The following PCSK5 variants were observed in gnomAD, a reference collection of about 807,000 sequenced individuals.
PCSK5 encodes the protein proprotein convertase subtilisin/kexin type 5.
Under a neutral mutation model 233.2 loss-of-function variants are expected in PCSK5, and 129 were observed. The ratio of observed to expected loss-of-function variants is 0.55; its 90% CI spans 0.48 to 0.64. The LOEUF (loss-of-function observed/expected upper bound fraction) is 0.64, where lower values mean the gene tolerates loss of function less well. Among genes scored for constraint, PCSK5 ranks in the 30% least tolerant of loss-of-function variants. The pLI, the probability that PCSK5 is intolerant of heterozygous loss-of-function variation, is 0.00. For synonymous variants in PCSK5, 825 were observed against 879.2 expected (o/e 0.94, Z 1.09); for missense variants, 2,076 against 2,430.1 (o/e 0.85, Z 3.06).
chr9:75,930,080 C>G (rs957456734), intron 1 of PCSK5, among the ~76,000 whole-genome samples: 3 of 152,108 alleles, frequency 2.0e-5, no homozygotes, highest in Non-Finnish European at 4.4e-5. Context: ...GCAGGCTGGT[C>G]TTGAACTTCT....
At chr9:76,314,760 C>T (rs1324850964) in intron 30 of PCSK5, among the ~76,000 whole-genome samples, 1 of 152,096 alleles carries the variant, frequency 6.6e-6, no homozygotes, top group Non-Finnish European at 1.5e-5. Flanking sequence ...CCTCAGCCTC[C>T]CGAGTAGCTG....
At chr9:76,109,105 G>C (rs1832100241) in intron 9 of PCSK5, among the ~76,000 whole-genome samples, 1 of 152,130 alleles carries the variant, frequency 6.6e-6, no homozygotes, top group Non-Finnish European at 1.5e-5. Context: ...CAAGGAACTG[G>C]CACTTATCCT....
chr9:75,994,612 C>G (rs1005435070), intron 3 of PCSK5, among the ~76,000 whole-genome samples: 1 of 151,586 alleles, frequency 6.6e-6, no homozygotes, highest in Non-Finnish European at 1.5e-5. Context: ...TTAGTAGAGA[C>G]GGGGTGTCAC....
intron 3 of PCSK5, among the ~76,000 whole-genome samples, chr9:75,991,935 TA>T (rs572364341): frequency 0.013 from 1,907 of 146,976 alleles, 35 homozygotes; most frequent in African/African-American, 0.04. Context: ...AAATGTAAAA[TA>T]AAAAAAAAAA....
At chr9:76,272,773 C>CAAAAAAAAAAAAAAA (rs71372058) in intron 24 of PCSK5, among the ~76,000 whole-genome samples, 4 of 49,978 alleles carry the variant, frequency 8.0e-5, no homozygotes, top group Non-Finnish European at 1.5e-4. Context: ...GACTCCATCT[C>CAAAAAAAAAAAAAAA]AAAAAAAAAA....
chr9:76,003,818 A>G (rs1563966615), intron 3 of PCSK5, among the ~76,000 whole-genome samples: 1 of 151,428 alleles, frequency 6.6e-6, no homozygotes, highest in Non-Finnish European at 1.5e-5. Context: ...TCTTTTATTT[A>G]TTTTTTTAGA....
chr9:76,188,328 T>C (rs1432868681), intron 17 of PCSK5, among the ~76,000 whole-genome samples: 1 of 152,046 alleles, frequency 6.6e-6, no homozygotes, highest in Non-Finnish European at 1.5e-5. Flanking sequence ...TCTAACAAAT[T>C]AAGGAGGCTG....
At chr9:75,932,597 A>G in intron 2 of PCSK5, 114 bp downstream of exon 2, 1 of 690,572 alleles carries the variant, frequency 1.4e-6, no homozygotes, top group South Asian at 1.8e-5. Context: ...TAGAACTGTC[A>G]TATTATCCTT....
At chr9:75,945,646 T>C (rs1429311128) in intron 2 of PCSK5, among the ~76,000 whole-genome samples, 3 of 151,880 alleles carry the variant, frequency 2.0e-5, no homozygotes, top group African/African-American at 7.3e-5. Context: ...TAAAGTCTAA[T>C]TTTTTTTAAG....
chr9:76,227,499 C>T lies in PCSK5; in HGVS notation c.2627-4C>T. ...GAAATAAACAACTAGATTTTGTTCC[C>T]CAGGAGAATATGTTGATGAGCATGG... On this transcript the variant is annotated splice_polypyrimidine_tract_variant and splice_region_variant and intron_variant, in intron 20 of 37. Coordinates refer to ENST00000674117, the MANE Select transcript of PCSK5 (RefSeq NM_001372043.1). 6.2e-7 allele frequency: 1 copy of T among 1,603,458 alleles called. No homozygotes were observed. The highest frequency in any genetic ancestry group is 1.3e-5 in the African/African-American group (1 of 74,830).
Position 76,068,062 on chromosome 9 carries a change from C to T in PCSK5, c.721+19C>T, listed in dbSNP as rs371548892. 21 of 1,572,122 alleles carry T rather than the reference C, an allele frequency of 1.3e-5. No individual in the cohort carries two copies. In the African/African-American group the frequency reaches 1.9e-4, roughly 14 times the overall value. ...ATCGGAGGTATGGGAAACCAACTCA[C>T]GTGGATGTAGAAATGCGCCAGTTAG... On this transcript the variant is annotated intron_variant, in intron 6 of 37. Coordinates refer to ENST00000674117, the MANE Select transcript of PCSK5 (RefSeq NM_001372043.1).
chr9:76,168,174 CAG>C (rs1440591353), intron 12 of PCSK5, among the ~76,000 whole-genome samples: 1 of 152,124 alleles, frequency 6.6e-6, no homozygotes, highest in Non-Finnish European at 1.5e-5. Flanking sequence ...TTATTTGAGA[CAG>C]AGTCTCCCTC....
intron 7 of PCSK5, among the ~76,000 whole-genome samples, chr9:76,083,283 T>G (rs1830926368): frequency 6.6e-6 from 1 of 152,090 alleles, no homozygotes; most frequent in Non-Finnish European, 1.5e-5. Flanking sequence ...GGCATTTATC[T>G]TAGTCTTTTT....
rs5898457 is a variant in PCSK5, at chr9:76,192,067, CAAAAAAAAA to C, written c.2626+2333_2626+2341del. On this transcript the variant is annotated intron_variant, in intron 20 of 37. Coordinates refer to ENST00000674117, the MANE Select transcript of PCSK5 (RefSeq NM_001372043.1). ...CCTAGGCAACAGAGCAAGACTGTCT[CAAAAAAAAA>C]AAAAAAAAAAAGAAGTGATGATCGA... Among the ~76,000 whole-genome samples the C allele has an allele frequency of 1.5e-4, 15 of 101,200 alleles. No individual in the cohort carries two copies. In the South Asian group the frequency reaches 2.9e-3, roughly 19 times the overall value. 66.4% of individuals were successfully genotyped at this position (101,200 alleles called of 152,430 possible). A position where few individuals can be genotyped will look rare whatever the true frequency, so the allele number is the denominator to read the frequency against.
chr9:75,896,983 C>A (rs1015014716), intron 1 of PCSK5, among the ~76,000 whole-genome samples: 7 of 152,100 alleles, frequency 4.6e-5, no homozygotes, highest in Non-Finnish European at 1.0e-4. Context: ...GGAAAGAAAA[C>A]AAGACTAAGA....
intron 1 of PCSK5, among the ~76,000 whole-genome samples, chr9:75,893,095 A>G (rs1825679667): frequency 8.1e-6 from 1 of 122,720 alleles, no homozygotes; most frequent in African/African-American, 2.6e-5. Context: ...TGGGGAGGCT[A>G]GCACTGAAAG....
At chr9:75,960,827 G>T (rs1825320119) in intron 2 of PCSK5, among the ~76,000 whole-genome samples, 1 of 152,274 alleles carries the variant, frequency 6.6e-6, no homozygotes, top group African/African-American at 2.4e-5. Flanking sequence ...AGAGTGAAAA[G>T]GAGTGCAGAT....
chr9:75,909,559 G>C (rs1441211129), intron 1 of PCSK5, among the ~76,000 whole-genome samples: 1 of 151,924 alleles, frequency 6.6e-6, no homozygotes, highest in African/African-American at 2.4e-5. Flanking sequence ...TCCAGGTGTG[G>C]TGGTGGGTGC....
chr9:75,996,832 T>A (rs970320415), intron 3 of PCSK5, among the ~76,000 whole-genome samples: 14 of 151,726 alleles, frequency 9.2e-5, no homozygotes, highest in African/African-American at 2.2e-4. Flanking sequence ...TTTTTTTTTT[T>A]ATCAAGATCT....
Sources: allele counts gnomAD v4.1 joint callset (sites outside exome capture counted in the v4.1 genomes callset), GRCh38; gene constraint gnomAD v4.1.1; transcripts MANE v1.5; gene names NCBI Gene and HGNC (gene_info 2026-07-23, HGNC 2026-07-21).